CARMIL1: variants seen among roughly 807,000 people sequenced by gnomAD.
CARMIL1 encodes F-actin-uncapping protein LRRC16A.
Under a neutral mutation model 177.1 loss-of-function variants are expected in CARMIL1, and 90 were observed. The ratio of observed to expected loss-of-function variants is 0.51; its 90% CI spans 0.43 to 0.61. The LOEUF (loss-of-function observed/expected upper bound fraction) is 0.61, where lower values mean the gene tolerates loss of function less well. Among genes scored for constraint, CARMIL1 ranks in the 20% least tolerant of loss-of-function variants. The pLI is 0.00. For missense variants in CARMIL1, 1,380 were observed against 1,667.0 expected, an observed-to-expected ratio of 0.83 and a Z score of 3.00; for synonymous variants, 577 against 606.2, an observed-to-expected ratio of 0.95 and a Z score of 0.71.
intron 5 of CARMIL1, among the ~76,000 whole-genome samples, chr6:25,444,141 A>G (rs1401931643): frequency 6.6e-6 from 1 of 152,122 alleles, no homozygotes. Context: ...GAGGTTTACC[A>G]CATCAATTGA....
intron 2 of CARMIL1, among the ~76,000 whole-genome samples, chr6:25,347,250 T>A (rs190923717): frequency 6.6e-6 from 1 of 152,346 alleles, no homozygotes; most frequent in Admixed American, 6.5e-5. Flanking sequence ...CCTCTAAATG[T>A]AAGCTAATTT....
At chr6:25,312,177 C>T (rs1783873183) in intron 2 of CARMIL1, among the ~76,000 whole-genome samples, 1 of 152,102 alleles carries the variant, frequency 6.6e-6, no homozygotes, top group South Asian at 2.1e-4. Flanking sequence ...TCCTCTCACC[C>T]CCTCCCATCT....
intron 35 of CARMIL1, among the ~76,000 whole-genome samples, chr6:25,607,735 G>A (rs1020788936): frequency 3.9e-5 from 6 of 152,132 alleles, no homozygotes; most frequent in Non-Finnish European, 7.4e-5. Flanking sequence ...CCCATGTTCC[G>A]TCACATATTT....
chr6:25,471,616 A>G (rs569776957), intron 10 of CARMIL1, among the ~76,000 whole-genome samples: 4 of 152,272 alleles, frequency 2.6e-5, no homozygotes, highest in African/African-American at 9.6e-5. Context: ...TAGAATTAAA[A>G]TTGCTAGGGT....
chr6:25,459,270 T>TC (rs1177493724), intron 8 of CARMIL1, among the ~76,000 whole-genome samples: 14 of 21,204 alleles, frequency 6.6e-4, no homozygotes, highest in South Asian at 3.6e-3. Context: ...TTCTTTCTTT[T>TC]TTTTTTTTTT....
intron 29 of CARMIL1, among the ~76,000 whole-genome samples, chr6:25,567,985 T>G (rs1811702076): frequency 6.6e-6 from 1 of 152,194 alleles, no homozygotes; most frequent in Admixed American, 6.5e-5. Context: ...TTAAGATTTC[T>G]TCCATCTCTC....
intron 35 of CARMIL1, 88 bp from the exon 36 acceptor site, chr6:25,609,962 C>T: frequency 7.3e-7 from 1 of 1,366,728 alleles, no homozygotes; most frequent in Non-Finnish European, 9.7e-7. Context: ...TTTTAAATGA[C>T]TTATTTTTAT....
At chr6:25,440,679 A>G (rs1797663321) in intron 5 of CARMIL1, among the ~76,000 whole-genome samples, 1 of 152,232 alleles carries the variant, frequency 6.6e-6, no homozygotes, top group Non-Finnish European at 1.5e-5. Flanking sequence ...AGTCAGGGGA[A>G]TATTTGTTTA....
chr6:25,575,033 T>G (rs147824399), intron 29 of CARMIL1, among the ~76,000 whole-genome samples: 110 of 152,354 alleles, frequency 7.2e-4, no homozygotes, highest in South Asian at 5.0e-3. Flanking sequence ...TTTATTATCT[T>G]ATTTAATCCT....
intron 2 of CARMIL1, among the ~76,000 whole-genome samples, chr6:25,413,189 G>A (rs1036557661): frequency 5.9e-5 from 9 of 152,090 alleles, no homozygotes; most frequent in Non-Finnish European, 1.0e-4. Flanking sequence ...TATCTGTAAC[G>A]TACTTAGAGC....
In CARMIL1 at chr6:25,556,621, G is replaced by A. The variant is rs1040316129; in HGVS notation, c.2593-80G>A. On this transcript the variant is annotated intron_variant, in intron 28 of 36. Coordinates refer to ENST00000329474, the MANE Select transcript of CARMIL1 (RefSeq NM_017640.6). ...TTTGTGCTCCACTGCGCCATCTTGT[G>A]GAAGACGTCTTCAGGAATCCTGCTA... The A allele has an allele frequency of 2.6e-5, 36 of 1,383,772 alleles. 1 individual carries two copies. The South Asian group carries it at 5.0e-4, about 19-fold the overall frequency. The allele number at this position is 1,383,772 out of a possible 1,614,324, so 85.7% of individuals were successfully genotyped here.
intron 23 of CARMIL1, 55 bp from the exon 24 acceptor site, chr6:25,528,740 T>A: frequency 7.7e-7 from 1 of 1,293,078 alleles, no homozygotes; most frequent in Non-Finnish European, 1.1e-6. Context: ...ACTTATACTT[T>A]ATTCTCCGCT....
chr6:25,311,527 A>AG (rs1459703214), intron 2 of CARMIL1, among the ~76,000 whole-genome samples: 1 of 147,076 alleles, frequency 6.8e-6, no homozygotes, highest in Non-Finnish European at 1.5e-5. Context: ...ATAAGGCTGT[A>AG]GGATATATAG....
intron 11 of CARMIL1, 185 bp downstream of exon 11, chr6:25,472,706 C>T: frequency 1.8e-6 from 1 of 553,920 alleles, no homozygotes; most frequent in South Asian, 2.6e-5. Flanking sequence ...GTATGATCTG[C>T]TTCACCTTTT....
At chr6:25,481,285 C>T (rs1157787751) in intron 11 of CARMIL1, among the ~76,000 whole-genome samples, 1 of 152,174 alleles carries the variant, frequency 6.6e-6, no homozygotes, top group East Asian at 1.9e-4. Flanking sequence ...AATAGAGGCT[C>T]CCAGAACACC....
At chr6:25,581,071 T>A in intron 30 of CARMIL1, 81 bp downstream of exon 30, 1 of 1,390,952 alleles carries the variant, frequency 7.2e-7, no homozygotes, top group African/African-American at 1.4e-5. Context: ...TTAGGGATGT[T>A]CCTTATGGAT....
intron 23 of CARMIL1, among the ~76,000 whole-genome samples, chr6:25,524,684 C>T (rs1806916769): frequency 6.6e-6 from 1 of 151,966 alleles, no homozygotes; most frequent in Non-Finnish European, 1.5e-5. Flanking sequence ...TTATCAGAGC[C>T]CTTAAAATAA....
intron 4 of CARMIL1, among the ~76,000 whole-genome samples, chr6:25,434,421 A>G (rs1242395960): frequency 6.6e-6 from 1 of 152,078 alleles, no homozygotes; most frequent in African/African-American, 2.4e-5. Context: ...AATTATAGGA[A>G]TGAGTCTTAG....
In CARMIL1 at chr6:25,458,956, G is replaced by A. The variant is rs150203063; in HGVS notation, c.615-6917G>A. ...TTAAAGGTCTTCCTTTTTTTTAAAT[G>A]AACAATTATCTAACATGACAAGTTT... On this transcript the variant is annotated intron_variant, in intron 8 of 36. Transcript: ENST00000329474. Among the ~76,000 whole-genome samples the A allele has an allele frequency of 9.9e-5, 15 of 151,862 alleles. No homozygotes were observed. In the East Asian group the frequency reaches 2.9e-3, roughly 29 times the overall value.
Sources: gnomAD v4.1 joint callset for allele counts (sites outside exome capture counted in the v4.1 genomes callset) on GRCh38, gnomAD v4.1.1 for gene constraint, MANE v1.5 for transcripts, NCBI Gene and HGNC (gene_info 2026-07-23, HGNC 2026-07-21) for gene names.